The following PHF21A variants were observed in gnomAD, a reference collection of about 807,000 sequenced individuals.
The protein encoded by PHF21A is PHD finger protein 21A, also known as BHC80a.
In PHF21A, 11 loss-of-function variants were observed where a neutral mutation model predicts 82.5. The observed-to-expected ratio is 0.13, with a 90% CI of 0.08 to 0.22. The LOEUF (loss-of-function observed/expected upper bound fraction) is 0.22. Among genes scored for constraint, PHF21A ranks in the 10% least tolerant of loss-of-function variants. The pLI is 1.00. For missense variants in PHF21A, 579 were observed against 837.8 expected, an observed-to-expected ratio of 0.69 and a Z score of 3.81; for synonymous variants, 297 against 302.8, an observed-to-expected ratio of 0.98 and a Z score of 0.20.
At chr11:45,947,405 A>G (rs1218275601) in intron 14 of PHF21A, among the ~76,000 whole-genome samples, 2 of 152,226 alleles carry the variant, frequency 1.3e-5, no homozygotes, top group Non-Finnish European at 2.9e-5. Context: ...TATCATTTAT[A>G]TTAGGATTAT....
chr11:46,000,100 G>C (rs969527338), intron 6 of PHF21A, among the ~76,000 whole-genome samples: 1 of 152,146 alleles, frequency 6.6e-6, no homozygotes, highest in African/African-American at 2.4e-5. Context: ...TTAACTGCTT[G>C]ATAGGTGTAA....
intron 6 of PHF21A, among the ~76,000 whole-genome samples, chr11:46,018,249 C>CAAA (rs772133757): frequency 1.2e-4 from 9 of 76,258 alleles, no homozygotes; most frequent in East Asian, 4.9e-4. Context: ...GACTCCGTCT[C>CAAA]AAAAAAAAAA....
chr11:45,956,522 A>G (rs984263776), intron 10 of PHF21A, among the ~76,000 whole-genome samples: 5 of 152,052 alleles, frequency 3.3e-5, no homozygotes, highest in African/African-American at 1.2e-4. Context: ...GGTTTGTTAC[A>G]TGGATATATT....
chr11:46,097,518 A>T (rs1317848446), intron 1 of PHF21A, among the ~76,000 whole-genome samples: 1 of 152,212 alleles, frequency 6.6e-6, no homozygotes, highest in Non-Finnish European at 1.5e-5. Flanking sequence ...TTTCAGGAGC[A>T]AAAGAATACT....
chr11:46,003,747 TTGCATGCAGGCCCACAC>T (rs1459950474), intron 6 of PHF21A, among the ~76,000 whole-genome samples: 1 of 152,200 alleles, frequency 6.6e-6, no homozygotes. Context: ...TGGCAAGGCC[TTGCATGCAGGCCCACAC>T]AAGTGCTTTT....
At chr11:46,043,592 A>G (rs2096198543) in intron 6 of PHF21A, among the ~76,000 whole-genome samples, 1 of 151,824 alleles carries the variant, frequency 6.6e-6, no homozygotes. Flanking sequence ...CTCCATCTCT[A>G]AGGCAGTATT....
At chr11:45,959,517 T>C (rs1002815342) in intron 10 of PHF21A, among the ~76,000 whole-genome samples, 50 of 152,186 alleles carry the variant, frequency 3.3e-4, no homozygotes, top group Non-Finnish European at 3.4e-4. Context: ...ACCATTGCTA[T>C]TTGATATTGT....
chr11:46,067,337 C>T lies in PHF21A; in HGVS notation c.153+9417G>A, dbSNP rs11824441. On this transcript the variant is annotated intron_variant, in intron 6 of 18. Transcript: ENST00000676320. ...GGTATGTATGAGTTCAATGGGGAGG[C>T]GGGCATGAGTGAGAAAATGAAGGGT... Among the ~76,000 whole-genome samples the T allele has an allele frequency of 6.9e-3, 1,042 of 152,010 alleles. 11 individuals are homozygous for T. Among genetic ancestry groups the T allele is most frequent in the African/African-American group, 0.024 (991 of 41,434 alleles).
chr11:45,934,876 G>A (rs1212377354), intron 18 of PHF21A: 4 of 360,666 alleles, frequency 1.1e-5, no homozygotes, highest in East Asian at 1.5e-4. Context: ...GGAAAGAGGT[G>A]TTAAATCTGC....
At chr11:45,997,931 T>C (rs867820675) in intron 6 of PHF21A, among the ~76,000 whole-genome samples, 1 of 152,180 alleles carries the variant, frequency 6.6e-6, no homozygotes, top group African/African-American at 2.4e-5. Flanking sequence ...AAAAAAGTGA[T>C]ACACCACAGG....
At chr11:46,061,418 A>G (rs2096533540) in intron 6 of PHF21A, among the ~76,000 whole-genome samples, 1 of 152,218 alleles carries the variant, frequency 6.6e-6, no homozygotes, top group African/African-American at 2.4e-5. Flanking sequence ...CATTTTAATG[A>G]TTAAACCCAT....
At chr11:46,066,678 G>T (rs967087494) in intron 6 of PHF21A, among the ~76,000 whole-genome samples, 7 of 152,054 alleles carry the variant, frequency 4.6e-5, no homozygotes, top group Non-Finnish European at 1.0e-4. Context: ...CAGCTTGGGC[G>T]ACAGAGCAAG....
At chr11:46,104,795 C>G (rs2097135979) in intron 1 of PHF21A, among the ~76,000 whole-genome samples, 1 of 152,184 alleles carries the variant, frequency 6.6e-6, no homozygotes, top group African/African-American at 2.4e-5. Context: ...ACTGAAGTCC[C>G]AGTGACCAGC....
chr11:46,117,146 A>G (rs1851563844), intron 1 of PHF21A: 3 of 152,176 alleles, frequency 2.0e-5, no homozygotes, highest in Admixed American at 2.0e-4. Context: ...AAGAACTTTT[A>G]TATGTATTAT....
intron 10 of PHF21A, among the ~76,000 whole-genome samples, chr11:45,960,479 C>G (rs1305248415): frequency 1.3e-5 from 2 of 152,084 alleles, no homozygotes; most frequent in Non-Finnish European, 2.9e-5. Flanking sequence ...TATGAAATAT[C>G]CAGAACAGGT....
intron 18 of PHF21A, chr11:45,935,065 T>C: frequency 8.0e-7 from 1 of 1,254,644 alleles, no homozygotes; most frequent in African/African-American, 1.5e-5. Flanking sequence ...TCTGTCCCCC[T>C]GCTGCAAATA....
At chr11:46,003,816 T>C (rs1020892386) in intron 6 of PHF21A, among the ~76,000 whole-genome samples, 9 of 152,196 alleles carry the variant, frequency 5.9e-5, no homozygotes, top group African/African-American at 2.2e-4. Flanking sequence ...CCTTCATCAA[T>C]TGCTTCCTAT....
intron 6 of PHF21A, among the ~76,000 whole-genome samples, chr11:46,008,971 CTTTTTTTTTTT>C (rs368337006): frequency 4.5e-5 from 5 of 111,580 alleles, no homozygotes; most frequent in African/African-American, 3.5e-5. Context: ...TCACATTTCA[CTTTTTTTTTTT>C]TTTTTTTTTT....
chr11:45,936,724 C>T (rs2089150344), intron 16 of PHF21A, 155 bp from the exon 17 acceptor site: 1 of 606,176 alleles, frequency 1.6e-6, no homozygotes, highest in African/African-American at 1.9e-5. Flanking sequence ...AGTTTCTGGA[C>T]TAAAAAGTTC....
Sources: gnomAD v4.1 joint callset for allele counts (sites outside exome capture counted in the v4.1 genomes callset) on GRCh38, gnomAD v4.1.1 for gene constraint, MANE v1.5 for transcripts, NCBI Gene and HGNC (gene_info 2026-07-23, HGNC 2026-07-21) for gene names.